CIZ1: variants seen among roughly 807,000 people sequenced by gnomAD.
CIZ1 encodes the protein CDKN1A interacting zinc finger protein 1.
A neutral mutation model predicts 118.6 loss-of-function variants in CIZ1; 58 were observed. The observed-to-expected ratio is 0.49, with a 90% CI of 0.40 to 0.61. The LOEUF is 0.61. CIZ1 is among the 20% of genes least tolerant of loss of function. CIZ1 has a pLI of 0.00. For missense variants in CIZ1, 921 were observed against 1,115.9 expected (o/e 0.83, Z 2.49); for synonymous variants, 448 against 443.4 (o/e 1.01, Z -0.13).
chr9:128,176,373 C>A lies in CIZ1; in HGVS notation c.1921G>T (p.Asp641Tyr). 2 of 1,614,078 alleles carry A rather than the reference C, an allele frequency of 1.2e-6. No individual in the cohort carries two copies. Among genetic ancestry groups the A allele is most frequent in the Non-Finnish European group, 1.7e-6 (2 of 1,179,972 alleles). ...CACTCATCCTCTGTCTCCAGGACGT[C>A]CCGGGGCACGGGCAGCAGGGACAGG... is the stretch of plus-strand genomic sequence containing the variant. ...CLLSLLPVPR[D>Y]VLETEDEEPP... is the part of the protein sequence containing the mutation. Residue 641 changes from aspartate to tyrosine, a missense_variant, in exon 11 of 17, where the codon GAC (aspartate) becomes TAC (tyrosine). Coordinates refer to ENST00000372938, the MANE Select transcript of CIZ1 (RefSeq NM_001131016.2).
chr9:128,191,766 G>A, upstream of CIZ1: 1 of 1,410,196 alleles, frequency 7.1e-7, no homozygotes, highest in South Asian at 1.5e-5. This position sits in a 1 kb window ranked among gnomAD's most constrained non-coding sequence, Gnocchi z 5.5. Flanking sequence ...GCGAAGGGGA[G>A]GCTCGGAGAC....
chr9:128,172,147 C>CAAAAAAAA (rs58895140), intron 11 of CIZ1, among the ~76,000 whole-genome samples: 7 of 69,164 alleles, frequency 1.0e-4, no homozygotes, highest in African/African-American at 4.9e-4. Flanking sequence ...GACACTGTCT[C>CAAAAAAAA]AAAAAAAAAA....
chr9:128,194,586 G>A (rs1833330704), upstream of CIZ1, among the ~76,000 whole-genome samples: 1 of 152,092 alleles, frequency 6.6e-6, no homozygotes, highest in Admixed American at 6.6e-5. Context: ...GGAGGCTGAG[G>A]TGGGTGGATC....
rs1028713106 is a variant in CIZ1 at position 128,203,910 on chromosome 9, A to G, written c.-6+276T>C. Among the ~76,000 whole-genome samples, 1 of 152,066 alleles carries G rather than the reference A, an allele frequency of 6.6e-6. No homozygotes were observed. The highest frequency in any genetic ancestry group is 2.1e-4 in the South Asian group (1 of 4,832). On this transcript the variant is annotated intron_variant, in intron 1 of 17. Transcript: ENST00000372948. This position sits in a 1 kb window ranked among gnomAD's most constrained non-coding sequence, Gnocchi z 5.3. ...CCTTTAGGGCAGACAACGCTCTGCCAGAAGCCCCGGGCAAAGAGCTGCCCC... is the reference window on the plus strand; with the variant it reads ...CCTTTAGGGCAGACAACGCTCTGCCGGAAGCCCCGGGCAAAGAGCTGCCCC...
rs369880398 is a variant in CIZ1, at chr9:128,180,478, C to A, written c.728G>T (p.Arg243Leu). ...PCPEDIAKEK[R>L]TPAPEPEPCE... The stretch of plus-strand genomic sequence containing the variant: ...AGGCTCAGGCTCAGGTGCTGGAGTG[C>A]GTTTTTCCTTGGCGATGTCCTCTGG... Residue 243 changes from arginine (R) to leucine (L), a missense_variant, in exon 7 of 17, where the codon CGC becomes CTC. By Grantham distance (102) the Arg-to-Leu change is moderately radical. Transcript: ENST00000372938. 1.2e-6 allele frequency: 2 copies of A among 1,614,122 alleles called. No homozygotes were observed. The highest frequency in any genetic ancestry group is 2.2e-5 in the East Asian group (1 of 44,876).
chr9:128,168,963 C>T, intron 14 of CIZ1, 89 bp downstream of exon 14: 2 of 1,578,422 alleles, frequency 1.3e-6, no homozygotes, highest in Non-Finnish European at 1.7e-6. Context: ...GATGCCAGCC[C>T]AGTGTCTGGC....
At chr9:128,173,863 G>T (rs969264309) in intron 11 of CIZ1, among the ~76,000 whole-genome samples, 5 of 151,908 alleles carry the variant, frequency 3.3e-5, no homozygotes. Flanking sequence ...AAAATTAGCC[G>T]GGCCTAGTGG....
At chr9:128,173,867 C>A (rs1200685451) in intron 11 of CIZ1, among the ~76,000 whole-genome samples, 4 of 152,034 alleles carry the variant, frequency 2.6e-5, no homozygotes, top group Admixed American at 2.0e-4. Context: ...TTAGCCGGGC[C>A]TAGTGGTAGG....
chr9:128,166,327 A>G lies in CIZ1; in HGVS notation c.2567T>C (p.Leu856Ser). ...GCCGCTGGAGGTGAACAGGGCTGTCAAAGCGTTCCGGGCGTTGATTGCGCA... is the reference window on the plus strand; with the variant it reads ...GCCGCTGGAGGTGAACAGGGCTGTCGAAGCGTTCCGGGCGTTGATTGCGCA... Reference protein sequence around the residue: ...RRCAINARNALTALFTSSGRP... With the variant: ...RRCAINARNASTALFTSSGRP... The change falls in exon 17 of 17, where the codon TTG becomes TCG. Residue 856 changes from leucine (L) to serine (S), a missense_variant. By Grantham distance (145) the Leu-to-Ser change is moderately radical. Transcript: ENST00000372938. The surrounding 1 kb of genome is among the most constrained non-coding windows in gnomAD (Gnocchi z 4.4). 6.4e-7 allele frequency: 1 copy of G among 1,567,502 alleles called. No homozygotes were observed. Among genetic ancestry groups the G allele is most frequent in the Non-Finnish European group, 8.7e-7 (1 of 1,155,612 alleles).
chr9:128,202,258 G>A (rs1177875538), intron 1 of CIZ1, among the ~76,000 whole-genome samples: 1 of 152,196 alleles, frequency 6.6e-6, no homozygotes, highest in Non-Finnish European at 1.5e-5. Context: ...GACTCCCCAT[G>A]AGCACAGTGT....
rs1564242772 is a variant in CIZ1 at position 128,169,044 on chromosome 9, C to T, written c.2295+8G>A. 1 of 1,614,110 alleles carries T rather than the reference C, an allele frequency of 6.2e-7. No homozygotes were observed. The highest frequency in any genetic ancestry group is 1.1e-5 in the South Asian group (1 of 91,072). On this transcript the variant is annotated splice_region_variant and intron_variant, in intron 14 of 16. Coordinates refer to ENST00000372938, the MANE Select transcript of CIZ1 (RefSeq NM_001131016.2). ...CCAAGCCCGCCTCCCACACCCTCCC[C>T]CCAGCACCTGCTTGCAGAGTTCCTC...
chr9:128,194,293 C>A (rs886691897), upstream of CIZ1, among the ~76,000 whole-genome samples: 1 of 140,554 alleles, frequency 7.1e-6, no homozygotes, highest in South Asian at 2.2e-4. Flanking sequence ...ACCTGGGAGC[C>A]GGAGGTTGCA....
At position 128,169,539 on chromosome 9, in the gene CIZ1, CCAAG is replaced by C. The variant is rs1374870284; in HGVS notation, c.2032-24_2032-21del. The C allele has an allele frequency of 5.6e-6, 9 of 1,612,642 alleles. No individual in the cohort carries two copies. The highest frequency in any genetic ancestry group is 6.8e-6 in the Non-Finnish European group (8 of 1,178,980). On this transcript the variant is annotated intron_variant, in intron 12 of 16. Transcript: ENST00000372938. Reference sequence around the variant, plus strand: ...GGCAATCTGGAAAAAGGCAGGCCAACCAAGCAGTGTCCCCAGCTGCAAGCCCCCT... The same window carrying C: ...GGCAATCTGGAAAAAGGCAGGCCAACCAGTGTCCCCAGCTGCAAGCCCCCT...
intron 6 of CIZ1, 42 bp downstream of exon 6, chr9:128,180,679 C>T: frequency 6.7e-7 from 1 of 1,485,544 alleles, no homozygotes; most frequent in Non-Finnish European, 9.3e-7. Context: ...GGCCCCACCC[C>T]ATTCATGTCC....
chr9:128,175,274 T>C (rs1025913592), intron 11 of CIZ1, among the ~76,000 whole-genome samples: 1 of 152,234 alleles, frequency 6.6e-6, no homozygotes, highest in Admixed American at 6.5e-5. Flanking sequence ...ACCAGTCCCC[T>C]ACTTTCGAGT....
At position 128,178,460 on chromosome 9, in the gene CIZ1, C is replaced by G; in HGVS notation, c.1529G>C (p.Gly510Ala). ...AATCTCTTCCATGCTGACTTGGGTG[C>G]CCACAGGCTCTGGCAAGGTCTTTTC... ...GMEKTLPEPV[G>A]TQVSMEEIQN... Residue 510 changes from glycine (G) to alanine (A), a missense_variant, in exon 9 of 17, where the codon GGC becomes GCC. Physicochemically the swap from Gly to Ala is moderately conservative, Grantham distance 60. Transcript: ENST00000372938. 7 of 1,614,174 alleles carry G rather than the reference C, an allele frequency of 4.3e-6. No individual in the cohort carries two copies. Among genetic ancestry groups the G allele is most frequent in the Non-Finnish European group, 5.9e-6 (7 of 1,180,018 alleles).
intron 2 of CIZ1, 83 bp from the exon 3 acceptor site, chr9:128,190,527 T>G: frequency 7.3e-7 from 1 of 1,363,810 alleles, no homozygotes; most frequent in Non-Finnish European, 1.0e-6. Flanking sequence ...CTCCATTCTC[T>G]GCCCCACTCT....
At chr9:128,183,804 C>T (rs772080151) in intron 5 of CIZ1, among the ~76,000 whole-genome samples, 4 of 152,174 alleles carry the variant, frequency 2.6e-5, no homozygotes, top group South Asian at 2.1e-4. Context: ...CTCACTCTGT[C>T]GCCCAGGCTG....
At chr9:128,168,827 C>T (rs1272714104) in intron 14 of CIZ1, 1 of 592,826 alleles carries the variant, frequency 1.7e-6, no homozygotes, top group African/African-American at 1.9e-5. Context: ...CCTTCCTCCA[C>T]ACAGGTCCAA....
Sources: allele counts gnomAD v4.1 joint callset (sites outside exome capture counted in the v4.1 genomes callset), GRCh38; gene constraint gnomAD v4.1.1; non-coding constraint Gnocchi (gnomAD v3.1); transcripts MANE v1.5; gene names NCBI Gene and HGNC (gene_info 2026-07-23, HGNC 2026-07-21).